Variants in HNRNPM observed in about 807,000 individuals in gnomAD.
HNRNPM encodes the protein CEA receptor.
Under a neutral mutation model 73.1 loss-of-function variants are expected in HNRNPM, and 11 were observed. The ratio of observed to expected loss-of-function variants is 0.15; its 90% CI spans 0.09 to 0.25. The LOEUF is 0.25. Ranked by LOEUF, HNRNPM falls within the 10% of genes least tolerant of loss-of-function variation. HNRNPM has a pLI of 1.00. For missense variants in HNRNPM, 789 were observed against 1,067.9 expected, an observed-to-expected ratio of 0.74 and a Z score of 3.64; for synonymous variants, 407 against 355.2, an observed-to-expected ratio of 1.15 and a Z score of -1.64.
chr19:8,463,844 A>T (rs1272044383), intron 5 of HNRNPM, 158 bp downstream of exon 5: 2 of 595,914 alleles, frequency 3.4e-6, no homozygotes, highest in African/African-American at 3.7e-5. Flanking sequence ...TACAGCAGCC[A>T]TTCCCTGCAA....
chr19:8,469,290 C>G (rs961969356), intron 9 of HNRNPM, among the ~76,000 whole-genome samples: 1 of 152,106 alleles, frequency 6.6e-6, no homozygotes, highest in Non-Finnish European at 1.5e-5. Context: ...GGAAATGCTC[C>G]GCATAGATAA....
intron 2 of HNRNPM, among the ~76,000 whole-genome samples, chr19:8,461,083 G>A (rs1022404704): frequency 1.3e-5 from 2 of 152,106 alleles, no homozygotes; most frequent in South Asian, 4.1e-4. Context: ...TCATATTTCC[G>A]TTCTTCATTT....
At chr19:8,469,798 C>T (rs540910777) in intron 9 of HNRNPM, among the ~76,000 whole-genome samples, 22 of 152,276 alleles carry the variant, frequency 1.4e-4, no homozygotes, top group Admixed American at 6.5e-4. Context: ...GTTGAGGGGG[C>T]CTGGTCTGGA....
rs1971067721 is a variant in HNRNPM, at chr19:8,483,548, A to G, written c.1174+337A>G. Among the ~76,000 whole-genome samples, 5 of 152,234 alleles carry G rather than the reference A, an allele frequency of 3.3e-5. No individual in the cohort carries two copies. The South Asian group carries it at 1.0e-3, about 31-fold the overall frequency. On this transcript the variant is annotated intron_variant, in intron 13 of 15. Transcript: ENST00000325495. ...TGGGGGTTTTGTTTTCCACATTATA[A>G]ATTCCTAAAAGTAAATATATTTTCC...
At chr19:8,485,532 T>C in intron 13 of HNRNPM, 71 bp from the exon 14 acceptor site, 1 of 1,427,064 alleles carries the variant, frequency 7.0e-7, no homozygotes, top group Non-Finnish European at 9.6e-7. Flanking sequence ...TGAGCTGAAG[T>C]GGTCTGGCGT....
chr19:8,480,361 T>C (rs1472445526), intron 12 of HNRNPM, among the ~76,000 whole-genome samples: 1 of 77,988 alleles, frequency 1.3e-5, no homozygotes, highest in Non-Finnish European at 2.8e-5. Flanking sequence ...AAAAAAAAAA[T>C]TAAAACTTAC....
chr19:8,467,721 T>C lies in HNRNPM; in HGVS notation c.834+137T>C, dbSNP rs1299193158. ...ATAGGGTGCAGTATGTTGAGCAAAA[T>C]TGTGAGAGAAATAACATTTTGCTGG... On this transcript the variant is annotated intron_variant, in intron 8 of 15. Transcript: ENST00000325495. 7.0e-6 allele frequency: 5 copies of C among 714,328 alleles called. No individual in the cohort carries two copies. In the African/African-American group the frequency reaches 7.1e-5, roughly 10 times the overall value. 44.2% of individuals were successfully genotyped at this position (714,328 alleles called of 1,614,324 possible).
At chr19:8,455,738 G>T (rs998928997) in intron 2 of HNRNPM, among the ~76,000 whole-genome samples, 164 bp downstream of exon 2, 104 of 137,412 alleles carry the variant, frequency 7.6e-4, no homozygotes, top group African/African-American at 2.2e-3. Flanking sequence ...TTTTTTTTTT[G>T]TTTTGTGTTT....
chr19:8,453,577 T>C (rs996516055), intron 1 of HNRNPM, among the ~76,000 whole-genome samples: 1 of 151,750 alleles, frequency 6.6e-6, no homozygotes, highest in Non-Finnish European at 1.5e-5. Context: ...TACTGTAGTC[T>C]TGGCTTTTTG....
chr19:8,455,697 A>G (rs1968956860), intron 2 of HNRNPM, 123 bp downstream of exon 2: 3 of 668,282 alleles, frequency 4.5e-6, no homozygotes, highest in Non-Finnish European at 7.6e-6. Context: ...TTCCAGGCTT[A>G]AGAGTGAAGC....
intron 10 of HNRNPM, among the ~76,000 whole-genome samples, chr19:8,472,489 T>G (rs1970219534): frequency 1.3e-5 from 2 of 152,150 alleles, no homozygotes. Context: ...ACACACCCCA[T>G]GTCTGACATC....
At chr19:8,448,418 T>A (rs891793960) in intron 1 of HNRNPM, among the ~76,000 whole-genome samples, 1 of 152,098 alleles carries the variant, frequency 6.6e-6, no homozygotes. Flanking sequence ...AAAATTTTTT[T>A]AAATGTAGTA....
intron 6 of HNRNPM, 98 bp from the exon 7 acceptor site, chr19:8,466,137 C>CT: frequency 1.6e-6 from 2 of 1,225,752 alleles, no homozygotes; most frequent in Non-Finnish European, 1.1e-6. Context: ...TTTCCTAATA[C>CT]TTTTTTCCAA....
At chr19:8,465,281 G>T (rs745348650) in intron 5 of HNRNPM, 43 bp from the exon 6 acceptor site, 45 of 1,483,192 alleles carry the variant, frequency 3.0e-5, no homozygotes. Flanking sequence ...GGTTTGCGTT[G>T]TACTGGGTCA....
In HNRNPM at chr19:8,485,901, C is replaced by T. The variant is rs772971857; in HGVS notation, c.1473C>T (p.Gly491=). ...SGVERMGAGM[G]FGLERMAAPI... ...TGGAGCGCATGGGTGCCGGCATGGG[C>T]TTCGGCCTTGAGCGCATGGCCGCTC... The change falls in exon 14 of 16, where the codon GGC becomes GGT. Residue 491 remains glycine (G), a synonymous_variant. Transcript: ENST00000325495. The T allele has an allele frequency of 6.2e-7, 1 of 1,603,820 alleles. No homozygotes were observed. Among genetic ancestry groups the T allele is most frequent in the South Asian group, 1.1e-5 (1 of 91,002 alleles).
chr19:8,454,984 C>T (rs1968902704), intron 1 of HNRNPM, among the ~76,000 whole-genome samples: 1 of 151,874 alleles, frequency 6.6e-6, no homozygotes, highest in African/African-American at 2.4e-5. Flanking sequence ...CTTGTCTTTG[C>T]TTTTTTTGAG....
At chr19:8,466,718 C>T (rs1042339482) in intron 7 of HNRNPM, among the ~76,000 whole-genome samples, 6 of 145,816 alleles carry the variant, frequency 4.1e-5, no homozygotes, top group African/African-American at 1.5e-4. Flanking sequence ...CCCAGCTACT[C>T]GGGAGGCTGA....
At chr19:8,486,943 T>C in intron 14 of HNRNPM, 81 bp from the exon 15 acceptor site, 1 of 1,068,972 alleles carries the variant, frequency 9.4e-7, no homozygotes, top group Non-Finnish European at 1.5e-6. Flanking sequence ...AAATCTAGCA[T>C]GGCCCTCAGA....
intron 2 of HNRNPM, among the ~76,000 whole-genome samples, chr19:8,458,778 G>C (rs144392969): frequency 6.6e-6 from 1 of 152,340 alleles, no homozygotes; most frequent in African/African-American, 2.4e-5. Context: ...CTAAGGCCCA[G>C]AGGGCAAGTG....
Sources: gnomAD v4.1 joint callset for allele counts (sites outside exome capture counted in the v4.1 genomes callset) on GRCh38, gnomAD v4.1.1 for gene constraint, MANE v1.5 for transcripts, NCBI Gene and HGNC (gene_info 2026-07-23, HGNC 2026-07-21) for gene names.